Variants in LAMA2 observed in about 807,000 individuals in gnomAD.
LAMA2 encodes laminin subunit alpha 2.
A neutral mutation model predicts 364.8 loss-of-function variants in LAMA2; 269 were observed. That is an observed-to-expected ratio of 0.74 (90% CI 0.67 to 0.82). The LOEUF (loss-of-function observed/expected upper bound fraction) is 0.82, where lower values mean the gene tolerates loss of function less well. Among genes scored for constraint, LAMA2 ranks in the 40% least tolerant of loss-of-function variants. The probability of loss-of-function intolerance (pLI) is 0.00; values close to 1 mark genes in which losing one functional copy is unlikely to be tolerated. For missense variants in LAMA2, 3,807 were observed against 3,873.2 expected (o/e 0.98, Z 0.45); for synonymous variants, 1,379 against 1,370.6 (o/e 1.01, Z -0.14).
chr6:129,241,245 A>G (rs1286367546), intron 12 of LAMA2, among the ~76,000 whole-genome samples: 1 of 152,226 alleles, frequency 6.6e-6, no homozygotes, highest in Admixed American at 6.5e-5. Context: ...TACTATCTAT[A>G]AGATGCTTAT....
At chr6:129,330,657 T>G (rs549388846) in intron 29 of LAMA2, among the ~76,000 whole-genome samples, 2 of 145,498 alleles carry the variant, frequency 1.4e-5, no homozygotes, top group South Asian at 4.8e-4. Flanking sequence ...TTCTAAATAC[T>G]TCCACTTCAA....
At chr6:129,474,856 T>C (rs1187071844) in intron 52 of LAMA2, among the ~76,000 whole-genome samples, 1 of 152,170 alleles carries the variant, frequency 6.6e-6, no homozygotes, top group African/African-American at 2.4e-5. Context: ...CAGTATACTA[T>C]TTCCATGGTG....
chr6:129,296,952 G>T (rs945550756), intron 20 of LAMA2, among the ~76,000 whole-genome samples: 1 of 152,092 alleles, frequency 6.6e-6, no homozygotes, highest in Non-Finnish European at 1.5e-5. Flanking sequence ...AAACTTGACC[G>T]TAAAAGATGA....
intron 43 of LAMA2, chr6:129,442,229 A>C: frequency 2.3e-6 from 3 of 1,315,778 alleles, no homozygotes; most frequent in Non-Finnish European, 3.0e-6. Context: ...CTCAAATCAA[A>C]TCCTATGGAT....
At chr6:129,341,975 C>T (rs1776291827) in intron 29 of LAMA2, among the ~76,000 whole-genome samples, 1 of 152,120 alleles carries the variant, frequency 6.6e-6, no homozygotes, top group African/African-American at 2.4e-5. Context: ...AGAGCTAAAA[C>T]CTGGGATATG....
Position 128,918,689 on chromosome 6 carries a change from C to G in LAMA2, c.112+35332C>G, listed in dbSNP as rs76401900. 5.9e-3 allele frequency among the ~76,000 whole-genome samples: 896 copies of G among 152,276 alleles called. 8 individuals carry two copies. Among genetic ancestry groups the G allele is most frequent in the African/African-American group, 0.021 (857 of 41,566 alleles). ...TTCACAGCATTGTGCAAAAAATGTA[C>G]ATTTTAAATTTCTAGTATAAAATTT... is the stretch of plus-strand genomic sequence containing the variant. On this transcript the variant is annotated intron_variant, in intron 1 of 64. Coordinates refer to ENST00000421865, the MANE Select transcript of LAMA2 (RefSeq NM_000426.4).
At position 129,216,893 on chromosome 6, in the gene LAMA2, C is replaced by G. The variant is rs77061196; in HGVS notation, c.1782+24040C>G. Among the ~76,000 whole-genome samples the G allele has an allele frequency of 1.8e-4, 28 of 152,232 alleles. No individual in the cohort carries two copies. In the East Asian group the frequency reaches 5.2e-3, roughly 28 times the overall value. ...AGCAAGAAGGTAAGCTGTATCATTA[C>G]GTTCTTAGAATACAGGGTTGGGCGT... On this transcript the variant is annotated intron_variant, in intron 12 of 64. Coordinates refer to ENST00000421865, the MANE Select transcript of LAMA2 (RefSeq NM_000426.4).
chr6:129,456,516 T>A lies in LAMA2; in HGVS notation c.6867+22T>A, dbSNP rs767162716. ...AAAGGTAATGTGTTCATCCTCCTCC[T>A]GTTTATTTCATCTTTGTTGACATCT... On this transcript the variant is annotated intron_variant, in intron 48 of 64. Transcript: ENST00000421865. 18 of 1,604,868 alleles carry A rather than the reference T, an allele frequency of 1.1e-5. No individual in the cohort carries two copies. The East Asian group carries it at 3.3e-4, about 30-fold the overall frequency.
chr6:129,317,775 G>C lies in LAMA2; in HGVS notation c.4058+1604G>C, dbSNP rs143732266. 7.2e-5 allele frequency among the ~76,000 whole-genome samples: 11 copies of C among 152,256 alleles called. No homozygotes were observed. In the East Asian group the frequency reaches 2.1e-3, roughly 29 times the overall value. ...AATGGTTCTGTACTGCAGTAAAAGA[G>C]TTTGGTAGTAAACAGAACATCTTGT... On this transcript the variant is annotated intron_variant, in intron 27 of 64. Coordinates refer to ENST00000421865, the MANE Select transcript of LAMA2 (RefSeq NM_000426.4).
chr6:129,491,938 A>G lies in LAMA2; in HGVS notation c.7936A>G (p.Met2646Val). ...TVQVDENRRY[M>V]QNLTVEQPIE... The stretch of plus-strand genomic sequence containing the variant: ...TCAAGTGGATGAAAACAGAAGATAC[A>G]TGCAAAACCTGACAGTTGAACAGCC... Residue 2646 changes from methionine to valine, a missense_variant, in exon 57 of 65, where the codon ATG becomes GTG. Met to Val is a conservative substitution (Grantham distance 21). Coordinates refer to ENST00000421865, the MANE Select transcript of LAMA2 (RefSeq NM_000426.4). 2 of 1,613,874 alleles carry G rather than the reference A, an allele frequency of 1.2e-6. No homozygotes were observed. The highest frequency in any genetic ancestry group is 1.1e-5 in the South Asian group (1 of 91,048).
chr6:129,433,273 G>T (rs1277636180), intron 41 of LAMA2, among the ~76,000 whole-genome samples: 3 of 152,194 alleles, frequency 2.0e-5, no homozygotes, highest in Admixed American at 6.5e-5. Context: ...TACAAAGATT[G>T]GGTGTAGCAA....
intron 29 of LAMA2, among the ~76,000 whole-genome samples, chr6:129,335,856 C>T (rs371264140): frequency 4.7e-4 from 71 of 152,114 alleles, no homozygotes; most frequent in Non-Finnish European, 9.1e-4. Context: ...GTTCTCCAGA[C>T]GGCAAGAGAG....
intron 6 of LAMA2, 44 bp downstream of exon 6, chr6:129,147,092 C>T: frequency 8.1e-7 from 1 of 1,233,516 alleles, no homozygotes; most frequent in South Asian, 1.2e-5. Context: ...AAGCCCTGAG[C>T]TGTAAAATGT....
rs976146937 is a variant in LAMA2 at position 129,380,922 on chromosome 6, G to A, written c.4960-2200G>A. Reference sequence around the variant, plus strand: ...CGTAAATGAAATAACCTGTACAACAGATCATAAGCCAGAGGAAGTTAAGAC... The same window carrying A: ...CGTAAATGAAATAACCTGTACAACAAATCATAAGCCAGAGGAAGTTAAGAC... On this transcript the variant is annotated intron_variant, in intron 34 of 64. Coordinates refer to ENST00000421865, the MANE Select transcript of LAMA2 (RefSeq NM_000426.4). Among the ~76,000 whole-genome samples the A allele has an allele frequency of 1.8e-4, 28 of 152,268 alleles. 1 individual carries two copies. Among genetic ancestry groups the A allele is most frequent in the African/African-American group, 6.3e-4 (26 of 41,550 alleles).
chr6:129,269,406 A>G (rs1022698538), intron 16 of LAMA2, among the ~76,000 whole-genome samples: 1 of 150,090 alleles, frequency 6.7e-6, no homozygotes, highest in African/African-American at 2.5e-5. Context: ...TGTCTGATGC[A>G]GTTTTCTGGT....
At chr6:129,330,978 C>T (rs913129104) in intron 29 of LAMA2, among the ~76,000 whole-genome samples, 39 of 152,218 alleles carry the variant, frequency 2.6e-4, no homozygotes, top group African/African-American at 8.7e-4. Context: ...AAGCCATTCT[C>T]CTGCCTCAGC....
chr6:129,499,448 C>A (rs974941127), intron 58 of LAMA2, among the ~76,000 whole-genome samples: 2 of 152,138 alleles, frequency 1.3e-5, no homozygotes, highest in Admixed American at 6.5e-5. Context: ...CTCATTAGAT[C>A]TTTTCTCTTA....
At position 129,315,866 on chromosome 6, in the gene LAMA2, AC is replaced by A; in HGVS notation, c.3842del (p.Pro1281LeufsTer15). ...CTCAAGTGATCATTCGAGGTGGGAC[AC>A]CTACTCATGCTAGAATTATCGTCAG... is the stretch of plus-strand genomic sequence containing the variant. Reference protein sequence around the residue: ...NPQVIIRGGTPTHARIIVRHM... With the variant: ...NPQVIIRGGTXTHARIIVRHM... On this transcript the variant is annotated frameshift_variant, in exon 26 of 65. Coordinates refer to ENST00000421865, the MANE Select transcript of LAMA2 (RefSeq NM_000426.4). LOFTEE classifies it high-confidence loss of function. 1 of 1,614,076 alleles carries A rather than the reference AC, an allele frequency of 6.2e-7. No homozygotes were observed. The highest frequency in any genetic ancestry group is 8.5e-7 in the Non-Finnish European group (1 of 1,179,966).
intron 58 of LAMA2, among the ~76,000 whole-genome samples, chr6:129,493,544 A>T (rs73776189): frequency 6.6e-6 from 1 of 152,114 alleles, no homozygotes; most frequent in African/African-American, 2.4e-5. Flanking sequence ...GACATCAAAG[A>T]CTTTGTATCA....
Sources: gnomAD v4.1 joint callset for allele counts (sites outside exome capture counted in the v4.1 genomes callset) on GRCh38, gnomAD v4.1.1 for gene constraint, MANE v1.5 for transcripts, NCBI Gene and HGNC (gene_info 2026-07-23, HGNC 2026-07-21) for gene names.